The following OR51B5 variants were observed in gnomAD, a reference collection of about 807,000 sequenced individuals.
OR51B5 encodes olfactory receptor family 51 subfamily B member 5.
For synonymous variants in OR51B5, 186 were observed against 144.8 expected (o/e 1.28, Z -2.04); for missense variants, 456 against 374.6 (o/e 1.22, Z -1.79).
At chr11:5,342,848 A>T in exon 1 of OR51B5, 1 of 1,613,514 alleles carries the variant, frequency 6.2e-7, no homozygotes, top group Non-Finnish European at 8.5e-7. Flanking sequence ...TCTGGAGGCA[A>T]TGCTCAGGAC....
upstream of OR51B5, among the ~76,000 whole-genome samples, chr11:5,348,238 C>T (rs1849024977): frequency 6.6e-6 from 1 of 152,000 alleles, no homozygotes; most frequent in African/African-American, 2.4e-5. Flanking sequence ...ACACATAAGG[C>T]AAACAATTCT....
At chr11:5,385,352 G>C (rs1320315830) in intron 1 of OR51B5, 1 of 151,834 alleles carries the variant, frequency 6.6e-6, no homozygotes, top group African/African-American at 2.4e-5. Context: ...TCTCTGTATA[G>C]ACATCTTGTT....
intron 1 of OR51B5, among the ~76,000 whole-genome samples, chr11:5,377,028 T>C (rs1849538559): frequency 6.6e-6 from 1 of 152,196 alleles, no homozygotes; most frequent in South Asian, 2.1e-4. Context: ...TTTAGATGAA[T>C]ATCCCTGATG....
chr11:5,420,977 C>G (rs1450790468), intron 1 of OR51B5, among the ~76,000 whole-genome samples: 3 of 152,178 alleles, frequency 2.0e-5, no homozygotes, highest in Non-Finnish European at 4.4e-5. Context: ...TAAACTCTAT[C>G]CCAGCTTCGG....
At chr11:5,476,823 C>A (rs1454218828) in intron 1 of OR51B5, among the ~76,000 whole-genome samples, 2 of 152,004 alleles carry the variant, frequency 1.3e-5, no homozygotes, top group East Asian at 4.0e-4. Context: ...ATATCATTAG[C>A]TTGCTGATAT....
At chr11:5,341,805 G>A (rs187902237), downstream of OR51B5, among the ~76,000 whole-genome samples, 2 of 152,262 alleles carry the variant, frequency 1.3e-5, no homozygotes, top group East Asian at 3.9e-4. Flanking sequence ...GTAGATATCT[G>A]AGGATGGCCT....
At chr11:5,413,164 C>T (rs1210052412) in intron 1 of OR51B5, among the ~76,000 whole-genome samples, 2 of 152,164 alleles carry the variant, frequency 1.3e-5, no homozygotes, top group Non-Finnish European at 2.9e-5. Context: ...CTGCTGATAC[C>T]CAGGCAAACA....
chr11:5,388,716 G>A (rs945199215), intron 1 of OR51B5, among the ~76,000 whole-genome samples: 5 of 144,780 alleles, frequency 3.5e-5, no homozygotes, highest in East Asian at 1.9e-4. Context: ...TTATGTATAC[G>A]TCTCTCTTGC....
At chr11:5,393,274 T>A (rs1293767008) in intron 1 of OR51B5, 3 of 152,196 alleles carry the variant, frequency 2.0e-5, no homozygotes, top group Admixed American at 2.0e-4. Context: ...AATGTAAGCA[T>A]ACAAAATGTC....
chr11:5,385,497 C>CA (rs199761927), intron 1 of OR51B5: 2 of 125,416 alleles, frequency 1.6e-5, no homozygotes, highest in African/African-American at 2.8e-5. Flanking sequence ...GTTTTTCATG[C>CA]AAAAAAATAT....
chr11:5,505,547 G>T, intron 1 of OR51B5: 1 of 1,135,368 alleles, frequency 8.8e-7, no homozygotes, highest in Non-Finnish European at 1.1e-6. Flanking sequence ...ATTTATAAAA[G>T]AAAGAGGTTT....
chr11:5,498,817 TCTC>T (rs1851684420), intron 1 of OR51B5, among the ~76,000 whole-genome samples: 1 of 152,064 alleles, frequency 6.6e-6, no homozygotes, highest in African/African-American at 2.4e-5. Context: ...TCCTGAAAAA[TCTC>T]CTCTTTAAAT....
intron 1 of OR51B5, chr11:5,422,637 C>T (rs10838092): frequency 0.4 from 648,168 of 1,612,936 alleles, 133,777 homozygotes; most frequent in East Asian, 0.68. Context: ...ATTGGTAGAA[C>T]TGGGTTAGCC....
chr11:5,447,763 C>T (rs1457380241), intron 1 of OR51B5, among the ~76,000 whole-genome samples: 1 of 130,876 alleles, frequency 7.6e-6, no homozygotes, highest in African/African-American at 2.7e-5. Flanking sequence ...CCCAGTGGCA[C>T]TTCTTCACCC....
chr11:5,479,175 C>T (rs1401601139), intron 1 of OR51B5, among the ~76,000 whole-genome samples: 1 of 147,662 alleles, frequency 6.8e-6, no homozygotes, highest in Non-Finnish European at 1.5e-5. Flanking sequence ...GGCAGAAACC[C>T]TACAAGCCAG....
intron 1 of OR51B5, among the ~76,000 whole-genome samples, chr11:5,385,915 G>A (rs11037143): frequency 1.3e-5 from 2 of 148,444 alleles, no homozygotes; most frequent in East Asian, 3.9e-4. Flanking sequence ...TTATACATAT[G>A]TGTACTTATA....
chr11:5,355,163 A>AG, intron 1 of OR51B5: 1 of 169,244 alleles, frequency 5.9e-6, no homozygotes, highest in Non-Finnish European at 1.3e-5. Flanking sequence ...GAGCTTCAGG[A>AG]GGAAGGATAG....
chr11:5,344,434 C>T (rs1848958912), upstream of OR51B5, among the ~76,000 whole-genome samples: 1 of 152,050 alleles, frequency 6.6e-6, no homozygotes, highest in South Asian at 2.1e-4. Flanking sequence ...AAACATCCAT[C>T]TTCCTGGTTT....
chr11:5,349,148 T>C (rs1589945775), intron 1 of OR51B5, among the ~76,000 whole-genome samples: 1 of 151,884 alleles, frequency 6.6e-6, no homozygotes, highest in South Asian at 2.1e-4. Context: ...GAGGCAAAGG[T>C]TTTAGATTTT....
Sources: allele counts gnomAD v4.1 joint callset (sites outside exome capture counted in the v4.1 genomes callset), GRCh38; gene constraint gnomAD v4.1.1; transcripts MANE v1.5; gene names NCBI Gene and HGNC (gene_info 2026-07-23, HGNC 2026-07-21).